Variants in SGCZ observed in about 807,000 individuals in gnomAD.
SGCZ encodes zeta-sarcoglycan.
SGCZ carries 40 observed loss-of-function variants against 41.3 expected under a neutral mutation model. The observed-to-expected ratio is 0.97, with a 90% confidence interval of 0.75 to 1.26. The LOEUF is 1.26. Among genes scored for constraint, SGCZ ranks in the 50% most tolerant of loss-of-function variants. The pLI, the probability that SGCZ is intolerant of heterozygous loss-of-function variation, is 0.00. For synonymous variants in SGCZ, 206 were observed against 137.5 expected, an observed-to-expected ratio of 1.50 and a Z score of -3.49; for missense variants, 552 against 369.8, an observed-to-expected ratio of 1.49 and a Z score of -4.04.
chr8:14,795,894 T>C (rs1563274968), intron 1 of SGCZ, among the ~76,000 whole-genome samples: 2 of 152,216 alleles, frequency 1.3e-5, no homozygotes, highest in Non-Finnish European at 2.9e-5. Context: ...TCTCATTATT[T>C]AGTTCCCACT....
At chr8:14,528,914 G>T (rs183682461) in intron 2 of SGCZ, among the ~76,000 whole-genome samples, 1 of 151,114 alleles carries the variant, frequency 6.6e-6, no homozygotes, top group Non-Finnish European at 1.5e-5. Context: ...TATTTAGAAG[G>T]GATCTCAGAC....
chr8:14,725,117 G>C (rs1342841373), intron 1 of SGCZ, among the ~76,000 whole-genome samples: 13 of 152,084 alleles, frequency 8.5e-5, no homozygotes, highest in Admixed American at 8.5e-4. Context: ...TCTGTGCTTG[G>C]CTTATTTCAC....
intron 1 of SGCZ, among the ~76,000 whole-genome samples, chr8:14,770,304 C>A (rs891229964): frequency 6.6e-6 from 1 of 151,420 alleles, no homozygotes; most frequent in Non-Finnish European, 1.5e-5. Flanking sequence ...CAAATTTTTA[C>A]CTTCAATTTG....
chr8:14,176,917 A>C (rs1804559296), intron 4 of SGCZ, among the ~76,000 whole-genome samples: 1 of 152,226 alleles, frequency 6.6e-6, no homozygotes. Flanking sequence ...CTTGTATGTA[A>C]GTCCTAATAA....
Position 14,085,743 on chromosome 8 carries a change from G to A in SGCZ, c.*4700C>T, listed in dbSNP as rs1010496649. ...GTTATGCATGTATAAAAGAAAAGTG[G>A]ACCACACTAATGATGTTTCCCTTCT... On this transcript the variant is annotated 3_prime_UTR_variant, in exon 8 of 8. Coordinates refer to ENST00000382080, the MANE Select transcript of SGCZ (RefSeq NM_139167.4). 2.0e-5 allele frequency among the ~76,000 whole-genome samples: 3 copies of A among 151,646 alleles called. No individual in the cohort carries two copies. Among genetic ancestry groups the A allele is most frequent in the Admixed American group, 6.6e-5 (1 of 15,186 alleles).
intron 1 of SGCZ, among the ~76,000 whole-genome samples, chr8:15,186,708 G>A (rs1431012363): frequency 6.6e-6 from 1 of 152,124 alleles, no homozygotes; most frequent in African/African-American, 2.4e-5. Flanking sequence ...GCATGAAGGG[G>A]TGTTTTACTT....
chr8:14,941,855 G>A (rs888958182), intron 1 of SGCZ, among the ~76,000 whole-genome samples: 11 of 150,884 alleles, frequency 7.3e-5, no homozygotes, highest in African/African-American at 2.7e-4. Flanking sequence ...GTAAATATAT[G>A]TACACCTTTA....
At chr8:14,465,661 T>G (rs1801027830) in intron 2 of SGCZ, among the ~76,000 whole-genome samples, 3 of 151,774 alleles carry the variant, frequency 2.0e-5, no homozygotes, top group African/African-American at 7.2e-5. Context: ...TGTACATTAT[T>G]TAGCCATTTT....
In SGCZ at chr8:15,194,185, TCACACACA is replaced by T. The variant is rs34127082; in HGVS notation, c.39+43392_39+43399del. Among the ~76,000 whole-genome samples the T allele has an allele frequency of 9.2e-3, 1,278 of 139,542 alleles. 16 individuals carry two copies. The highest frequency in any genetic ancestry group is 0.031 in the African/African-American group (1,188 of 37,958). The allele number at this position is 139,542 out of a possible 152,430, so 91.5% of individuals were successfully genotyped here. On this transcript the variant is annotated intron_variant, in intron 1 of 7. Coordinates refer to ENST00000382080, the MANE Select transcript of SGCZ (RefSeq NM_139167.4). ...AATAGTCCTCGTGTCCCACCTCTAA[TCACACACA>T]CACACACACACACACACACACACAC... is the stretch of plus-strand genomic sequence containing the variant.
At chr8:14,851,368 CAAAAAAA>C (rs369090223) in intron 1 of SGCZ, among the ~76,000 whole-genome samples, 37 of 61,922 alleles carry the variant, frequency 6.0e-4, no homozygotes, top group African/African-American at 1.1e-3. Context: ...GACTCCATCT[CAAAAAAA>C]AAAAAAAAAA....
chr8:15,237,104 C>A (rs1329320377), intron 1 of SGCZ, among the ~76,000 whole-genome samples: 5 of 152,230 alleles, frequency 3.3e-5, no homozygotes, highest in African/African-American at 1.2e-4. Flanking sequence ...ATGCCTCTGT[C>A]ACGCGAATCT....
intron 1 of SGCZ, among the ~76,000 whole-genome samples, chr8:15,175,394 A>T (rs1268270445): frequency 1.3e-5 from 2 of 152,130 alleles, no homozygotes; most frequent in Non-Finnish European, 2.9e-5. Context: ...AGGGACATGG[A>T]TGGAGCTGGA....
At chr8:14,581,551 T>G (rs1415454150) in intron 1 of SGCZ, among the ~76,000 whole-genome samples, 1 of 151,966 alleles carries the variant, frequency 6.6e-6, no homozygotes, top group African/African-American at 2.4e-5. Context: ...CATTAAGTAA[T>G]AAACACCTGG....
intron 2 of SGCZ, among the ~76,000 whole-genome samples, chr8:14,544,530 T>C (rs763693930): frequency 1.6e-4 from 25 of 152,056 alleles, no homozygotes; most frequent in Non-Finnish European, 3.7e-4. Context: ...GCAAAGAATA[T>C]TAATATTAAT....
At position 15,218,865 on chromosome 8, in the gene SGCZ, C is replaced by T. The variant is rs138834862; in HGVS notation, c.39+18720G>A. Among the ~76,000 whole-genome samples the T allele has an allele frequency of 1.5e-3, 227 of 152,230 alleles. 2 individuals are homozygous for T. Among genetic ancestry groups the T allele is most frequent in the Admixed American group, 4.3e-3 (65 of 15,284 alleles). On this transcript the variant is annotated intron_variant, in intron 1 of 7. Coordinates refer to ENST00000382080, the MANE Select transcript of SGCZ (RefSeq NM_139167.4). ...ATCTCATTTTACCATTTGAGGGAAT[C>T]GACATTTAGTAAAGTTAAATCACTT...
intron 1 of SGCZ, among the ~76,000 whole-genome samples, chr8:14,976,025 T>C (rs1443274169): frequency 6.8e-6 from 1 of 146,878 alleles, no homozygotes; most frequent in African/African-American, 2.5e-5. Flanking sequence ...TACACATATA[T>C]ATTTTTTTTT....
At chr8:15,012,647 T>C (rs2130928883) in intron 1 of SGCZ, among the ~76,000 whole-genome samples, 1 of 129,388 alleles carries the variant, frequency 7.7e-6, no homozygotes, top group East Asian at 2.2e-4. Context: ...TATAAAACTA[T>C]ATATAATATA....
At chr8:14,985,330 G>C (rs894537413) in intron 1 of SGCZ, among the ~76,000 whole-genome samples, 1 of 152,052 alleles carries the variant, frequency 6.6e-6, no homozygotes, top group Non-Finnish European at 1.5e-5. Flanking sequence ...CTCATGCCCC[G>C]TTTTATACAT....
intron 1 of SGCZ, among the ~76,000 whole-genome samples, chr8:14,730,863 C>T (rs1022870827): frequency 2.0e-5 from 3 of 151,622 alleles, no homozygotes; most frequent in Non-Finnish European, 4.4e-5. Flanking sequence ...GTTAGAATGG[C>T]GATCAATAAA....
Sources: gnomAD v4.1 joint callset for allele counts (sites outside exome capture counted in the v4.1 genomes callset) on GRCh38, gnomAD v4.1.1 for gene constraint, MANE v1.5 for transcripts, NCBI Gene and HGNC (gene_info 2026-07-23, HGNC 2026-07-21) for gene names.